Variants in CHST15 observed in about 807,000 individuals in gnomAD.
The protein encoded by CHST15 is carbohydrate sulfotransferase 15, also known as B cell RAG associated protein (GALNAC4S-6ST).
CHST15 carries 30 observed loss-of-function variants against 53.6 expected under a neutral mutation model. The observed-to-expected ratio is 0.56, with a 90% CI of 0.42 to 0.76. CHST15 has a LOEUF of 0.76. Among genes scored for constraint, CHST15 ranks in the 30% least tolerant of loss-of-function variants. The pLI, the probability that CHST15 is intolerant of heterozygous loss-of-function variation, is 0.00. For missense variants in CHST15, 627 were observed against 740.5 expected (o/e 0.85, Z 1.78); for synonymous variants, 296 against 289.8 (o/e 1.02, Z -0.22).
chr10:124,064,819 C>T (rs1448849472), intron 1 of CHST15, among the ~76,000 whole-genome samples: 1 of 152,054 alleles, frequency 6.6e-6, no homozygotes, highest in Non-Finnish European at 1.5e-5. Flanking sequence ...CAGGCAAGGA[C>T]CCCTTCCCTG....
At position 124,044,778 on chromosome 10, in the gene CHST15, C is replaced by G; in HGVS notation, c.688G>C (p.Asp230His). 1.2e-6 allele frequency: 2 copies of G among 1,610,604 alleles called. No individual in the cohort carries two copies. The highest frequency in any genetic ancestry group is 1.7e-6 in the Non-Finnish European group (2 of 1,178,272). ...CCCCAGAAGGCCTTGCGCAGGGCGTCGAAGGTGGAGCGGAAGCGCTTGGAG... is the reference window on the plus strand; with the variant it reads ...CCCCAGAAGGCCTTGCGCAGGGCGTGGAAGGTGGAGCGGAAGCGCTTGGAG... ...LYSKRFRSTF[D>H]ALRKAFWGHL... The change falls in exon 3 of 8, where the codon GAC becomes CAC. Residue 230 changes from aspartate to histidine, a missense_variant. Asp to His is a moderately conservative substitution (Grantham distance 81). Coordinates refer to ENST00000435907, the MANE Select transcript of CHST15 (RefSeq NM_001270764.2).
At chr10:124,023,233 C>T (rs954408179) in intron 5 of CHST15, among the ~76,000 whole-genome samples, 3 of 151,996 alleles carry the variant, frequency 2.0e-5, no homozygotes, top group African/African-American at 7.3e-5. Context: ...GCCTGTAATC[C>T]CAGCACTTTA....
At chr10:124,088,613 T>C (rs1949512054) in intron 1 of CHST15, among the ~76,000 whole-genome samples, 1 of 152,172 alleles carries the variant, frequency 6.6e-6, no homozygotes, top group South Asian at 2.1e-4. Context: ...TCCCTCCTCC[T>C]GCACATCCGG....
intron 1 of CHST15, among the ~76,000 whole-genome samples, chr10:124,073,536 A>G (rs1948984210): frequency 6.6e-6 from 1 of 152,222 alleles, no homozygotes; most frequent in African/African-American, 2.4e-5. Context: ...CACACTTAGG[A>G]TAGATGCTCT....
intron 4 of CHST15, among the ~76,000 whole-genome samples, chr10:124,041,050 C>T (rs1947715830): frequency 6.6e-6 from 1 of 152,128 alleles, no homozygotes; most frequent in South Asian, 2.1e-4. Context: ...GGAGTTTGGA[C>T]TCCCAAGTTT....
intron 1 of CHST15, among the ~76,000 whole-genome samples, chr10:124,049,003 G>A (rs531332341): frequency 1.2e-4 from 19 of 152,126 alleles, no homozygotes; most frequent in Non-Finnish European, 2.2e-4. Flanking sequence ...CAACCAGCCC[G>A]GCCTCTGCGA....
intron 1 of CHST15, among the ~76,000 whole-genome samples, chr10:124,058,819 T>C (rs532057936): frequency 6.6e-6 from 1 of 152,228 alleles, no homozygotes; most frequent in Non-Finnish European, 1.5e-5. Flanking sequence ...ACAGAGTTCT[T>C]ATTGCTGAGT....
intron 1 of CHST15, among the ~76,000 whole-genome samples, chr10:124,065,639 G>A (rs796363087): frequency 2.6e-5 from 4 of 152,128 alleles, no homozygotes; most frequent in Admixed American, 6.5e-5. Flanking sequence ...GTGATTCTGC[G>A]GGCCCCATTA....
intron 1 of CHST15, among the ~76,000 whole-genome samples, chr10:124,065,378 A>C (rs1266461679): frequency 6.6e-6 from 1 of 152,206 alleles, no homozygotes; most frequent in Non-Finnish European, 1.5e-5. Context: ...GCAAGACCGT[A>C]TCTCAAAAAG....
chr10:124,014,870 C>G (rs974123485), intron 6 of CHST15, among the ~76,000 whole-genome samples: 1 of 152,212 alleles, frequency 6.6e-6, no homozygotes, highest in Non-Finnish European at 1.5e-5. Flanking sequence ...CTCATGAGAG[C>G]CCCCTGTGCT....
In CHST15 at chr10:124,024,704, C is replaced by T. The variant is rs546778894; in HGVS notation, c.1191-3292G>A. ...AACACGGCATCTGTCGCCATAGGGT[C>T]GCTCATGGTTACTATGACCTAAATG... On this transcript the variant is annotated intron_variant, in intron 5 of 7. Transcript: ENST00000435907. The surrounding 1 kb of genome is among the most constrained non-coding windows in gnomAD (Gnocchi z 4.0). 9.8e-5 allele frequency among the ~76,000 whole-genome samples: 15 copies of T among 152,310 alleles called. No homozygotes were observed. The East Asian group carries it at 2.7e-3, about 27-fold the overall frequency.
At chr10:124,052,091 T>A (rs1948219959) in intron 1 of CHST15, among the ~76,000 whole-genome samples, 1 of 152,146 alleles carries the variant, frequency 6.6e-6, no homozygotes, top group Non-Finnish European at 1.5e-5. Context: ...GGAAAAAAAA[T>A]TCAATGGGTC....
intron 7 of CHST15, among the ~76,000 whole-genome samples, chr10:124,011,248 T>C (rs1056559656): frequency 9.2e-5 from 14 of 152,328 alleles, no homozygotes; most frequent in Admixed American, 5.2e-4. Context: ...CCTTAGCCCA[T>C]AGACAGAAAA....
At chr10:124,058,245 GAC>G (rs1306701095) in intron 1 of CHST15, among the ~76,000 whole-genome samples, 1 of 152,204 alleles carries the variant, frequency 6.6e-6, no homozygotes, top group African/African-American at 2.4e-5. Context: ...ACAAAGCGAG[GAC>G]AGTCATATAG....
intron 1 of CHST15, among the ~76,000 whole-genome samples, chr10:124,048,978 G>A (rs1393788832): frequency 6.6e-6 from 1 of 152,132 alleles, no homozygotes; most frequent in Non-Finnish European, 1.5e-5. Context: ...ATGTCTGCGG[G>A]GCAGCTGCCC....
At chr10:124,059,089 G>A (rs931275637) in intron 1 of CHST15, among the ~76,000 whole-genome samples, 7 of 152,154 alleles carry the variant, frequency 4.6e-5, no homozygotes, top group African/African-American at 1.2e-4. Flanking sequence ...GCTGAACACC[G>A]GCCACACGGT....
At chr10:124,018,057 C>T (rs1240724799) in intron 6 of CHST15, among the ~76,000 whole-genome samples, 2 of 152,238 alleles carry the variant, frequency 1.3e-5, no homozygotes, top group Admixed American at 6.5e-5. Flanking sequence ...TCAGACAAGC[C>T]TTGAAGGCCG....
chr10:124,051,754 C>T (rs1395347583), intron 1 of CHST15, among the ~76,000 whole-genome samples: 1 of 152,196 alleles, frequency 6.6e-6, no homozygotes, highest in Admixed American at 6.5e-5. Context: ...TGGACACCCC[C>T]TATTAACCTA....
chr10:124,021,937 AG>A (rs1460464807), intron 5 of CHST15, among the ~76,000 whole-genome samples: 1 of 152,200 alleles, frequency 6.6e-6, no homozygotes, highest in Non-Finnish European at 1.5e-5. Context: ...CTAGGTTGGT[AG>A]GGACCTTGTT....
Sources: allele counts gnomAD v4.1 joint callset (sites outside exome capture counted in the v4.1 genomes callset), GRCh38; gene constraint gnomAD v4.1.1; non-coding constraint Gnocchi (gnomAD v3.1); transcripts MANE v1.5; gene names NCBI Gene and HGNC (gene_info 2026-07-23, HGNC 2026-07-21).